Variants in CDK5RAP2 observed in about 807,000 individuals in gnomAD.
CDK5RAP2 encodes CDK5 regulatory subunit-associated protein 2.
CDK5RAP2 carries 147 observed loss-of-function variants against 232.9 expected under a neutral mutation model. The ratio of observed to expected loss-of-function variants is 0.63; its 90% CI spans 0.55 to 0.72. CDK5RAP2 has a LOEUF of 0.72. CDK5RAP2 is among the 30% of genes least tolerant of loss of function. The pLI is 0.00. For synonymous variants in CDK5RAP2, 833 were observed against 833.7 expected, an observed-to-expected ratio of 1.00 and a Z score of 0.01; for missense variants, 2,195 against 2,231.5, an observed-to-expected ratio of 0.98 and a Z score of 0.33.
chr9:120,417,492 T>C (rs775259560), intron 27 of CDK5RAP2, among the ~76,000 whole-genome samples: 2 of 152,232 alleles, frequency 1.3e-5, no homozygotes, highest in African/African-American at 4.8e-5. Context: ...ACTGCAACCT[T>C]CCTTGCTGGT....
intron 3 of CDK5RAP2, among the ~76,000 whole-genome samples, chr9:120,560,115 G>A (rs1031698703): frequency 1.3e-5 from 2 of 152,226 alleles, no homozygotes; most frequent in Non-Finnish European, 2.9e-5. Context: ...GACAGCAAGA[G>A]CTAAGAGCAA....
chr9:120,438,205 G>A (rs968096899), intron 24 of CDK5RAP2, among the ~76,000 whole-genome samples: 10 of 152,138 alleles, frequency 6.6e-5, no homozygotes, highest in African/African-American at 2.4e-4. Context: ...TTTCCTACGT[G>A]AGCCCATAAG....
rs2033758881 is a variant in CDK5RAP2, at chr9:120,410,204, AGT to A, written c.4415-890_4415-889del. On this transcript the variant is annotated intron_variant, in intron 29 of 37. Transcript: ENST00000349780. ...GGTGGCAGAACCAGAATTCGGACTC[AGT>A]CTGATTCCATTCTTAAACACAACAA... is the stretch of plus-strand genomic sequence containing the variant. 3.3e-5 allele frequency among the ~76,000 whole-genome samples: 5 copies of A among 152,332 alleles called. No homozygotes were observed. In the East Asian group the frequency reaches 9.6e-4, roughly 29 times the overall value.
At chr9:120,436,939 T>A (rs1004615414) in intron 25 of CDK5RAP2, among the ~76,000 whole-genome samples, 16 of 151,774 alleles carry the variant, frequency 1.1e-4, no homozygotes, top group African/African-American at 2.2e-4. Flanking sequence ...CAAAAAAAAA[T>A]AAATAAATAA....
At chr9:120,483,425 T>G (rs961004499) in intron 14 of CDK5RAP2, among the ~76,000 whole-genome samples, 5 of 152,098 alleles carry the variant, frequency 3.3e-5, no homozygotes, top group African/African-American at 9.7e-5. Context: ...AGCCCTAGAG[T>G]CTGGGACTCA....
chr9:120,420,238 C>T (rs1437749896), intron 26 of CDK5RAP2, among the ~76,000 whole-genome samples: 5 of 152,170 alleles, frequency 3.3e-5, no homozygotes, highest in Admixed American at 1.3e-4. Flanking sequence ...CTTGGGTCGA[C>T]GGCAGCTGTT....
intron 12 of CDK5RAP2, among the ~76,000 whole-genome samples, chr9:120,514,634 C>T (rs1448954206): frequency 6.6e-6 from 1 of 152,166 alleles, no homozygotes; most frequent in Non-Finnish European, 1.5e-5. Context: ...GGTAGTGTTC[C>T]AGTGCCCCGT....
At chr9:120,422,324 G>T (rs1343764173) in intron 26 of CDK5RAP2, among the ~76,000 whole-genome samples, 1 of 152,188 alleles carries the variant, frequency 6.6e-6, no homozygotes, top group Non-Finnish European at 1.5e-5. Context: ...CAGGGGAAGG[G>T]AAGCGAGGAG....
intron 17 of CDK5RAP2, among the ~76,000 whole-genome samples, chr9:120,469,547 C>A (rs1210933875): frequency 6.6e-6 from 1 of 152,142 alleles, no homozygotes; most frequent in Non-Finnish European, 1.5e-5. Context: ...TTTTTCAGAA[C>A]CTTGAAACAC....
Position 120,580,070 on chromosome 9 carries a change from G to A in CDK5RAP2, c.-92C>T. 5 of 766,822 alleles carry A rather than the reference G, an allele frequency of 6.5e-6. No homozygotes were observed. Among genetic ancestry groups the A allele is most frequent in the South Asian group, 1.5e-5 (1 of 66,790 alleles). 47.5% of individuals were successfully genotyped at this position (766,822 alleles called of 1,614,324 possible). A position where few individuals can be genotyped will look rare whatever the true frequency, so the allele number is the denominator to read the frequency against. On this transcript the variant is annotated 5_prime_UTR_variant, in exon 1 of 38. Transcript: ENST00000349780. ...GACCCGCCGGGCTCCCCAGGTCCCCGCCCCCTCCACCCCAGCTCTTGTTCA... is the reference window on the plus strand; with the variant it reads ...GACCCGCCGGGCTCCCCAGGTCCCCACCCCCTCCACCCCAGCTCTTGTTCA...
At chr9:120,437,190 G>C (rs762422076) in intron 25 of CDK5RAP2, 105 bp downstream of exon 25, 6 of 795,772 alleles carry the variant, frequency 7.5e-6, no homozygotes, top group South Asian at 4.4e-5. Context: ...AAGGCAGAGG[G>C]GTGAAAGATA....
At chr9:120,471,470 G>A (rs1252238901) in intron 16 of CDK5RAP2, among the ~76,000 whole-genome samples, 5 of 152,178 alleles carry the variant, frequency 3.3e-5, no homozygotes, top group Non-Finnish European at 5.9e-5. Flanking sequence ...GATTGCAAGT[G>A]CCCAGGGATA....
At chr9:120,529,749 T>C (rs2041064438) in intron 8 of CDK5RAP2, among the ~76,000 whole-genome samples, 1 of 152,132 alleles carries the variant, frequency 6.6e-6, no homozygotes, top group African/African-American at 2.4e-5. Context: ...GGTAAGCAGG[T>C]AGGGACTGGT....
rs188240029 is a variant in CDK5RAP2, at chr9:120,413,474, G to A, written c.4297+1566C>T. Among the ~76,000 whole-genome samples, 6 of 152,326 alleles carry A rather than the reference G, an allele frequency of 3.9e-5. No individual in the cohort carries two copies. In the East Asian group the frequency reaches 1.2e-3, roughly 29 times the overall value. ...TCCTTTGTATTCCTTTGTCTTTTCA[G>A]ACATTGTGACAACATGGTGAGAACA... On this transcript the variant is annotated intron_variant, in intron 28 of 37. Coordinates refer to ENST00000349780, the MANE Select transcript of CDK5RAP2 (RefSeq NM_018249.6).
At chr9:120,519,571 G>A (rs1006033864) in intron 11 of CDK5RAP2, among the ~76,000 whole-genome samples, 5 of 151,836 alleles carry the variant, frequency 3.3e-5, no homozygotes, top group Non-Finnish European at 5.9e-5. Flanking sequence ...AAAGGCCACC[G>A]CAATCCTACA....
chr9:120,462,393 G>A (rs561248415), intron 18 of CDK5RAP2, among the ~76,000 whole-genome samples: 5 of 150,664 alleles, frequency 3.3e-5, no homozygotes, highest in East Asian at 3.9e-4. Flanking sequence ...CTTATAAAAC[G>A]AGTAATCCTA....
rs190733330 is a variant in CDK5RAP2, at chr9:120,564,315, C to T, written c.195+4006G>A. Among the ~76,000 whole-genome samples, 280 of 151,866 alleles carry T rather than the reference C, an allele frequency of 1.8e-3. 1 individual carries two copies. The highest frequency in any genetic ancestry group is 6.6e-3 in the African/African-American group (275 of 41,428). On this transcript the variant is annotated intron_variant, in intron 3 of 37. Coordinates refer to ENST00000349780, the MANE Select transcript of CDK5RAP2 (RefSeq NM_018249.6). Reference sequence around the variant, plus strand: ...ACCATCCTGGCTAATAAAGTGAAACCCCACCTGTACTAAAAATACAAAAAA... The same window carrying T: ...ACCATCCTGGCTAATAAAGTGAAACTCCACCTGTACTAAAAATACAAAAAA...
intron 14 of CDK5RAP2, among the ~76,000 whole-genome samples, chr9:120,485,293 C>CTTTTTTTTTTTTT (rs111411839): frequency 7.6e-6 from 1 of 132,350 alleles, no homozygotes; most frequent in African/African-American, 2.8e-5. Context: ...CATTTAGATA[C>CTTTTTTTTTTTTT]TTTTTTTTTT....
intron 7 of CDK5RAP2, among the ~76,000 whole-genome samples, chr9:120,532,910 G>A (rs184219004): frequency 4.6e-5 from 7 of 151,942 alleles, no homozygotes; most frequent in African/African-American, 1.4e-4. Context: ...CCTTCCCAAA[G>A]TCCCCCTTCC....
Sources: allele counts gnomAD v4.1 joint callset (sites outside exome capture counted in the v4.1 genomes callset), GRCh38; gene constraint gnomAD v4.1.1; transcripts MANE v1.5; gene names NCBI Gene and HGNC (gene_info 2026-07-23, HGNC 2026-07-21).